The following ITSN2 variants were observed in gnomAD, a reference collection of about 807,000 sequenced individuals.
The protein encoded by ITSN2 is intersectin 2.
A neutral mutation model predicts 243.7 loss-of-function variants in ITSN2; 156 were observed. The ratio of observed to expected loss-of-function variants is 0.64; its 90% confidence interval spans 0.56 to 0.73. The LOEUF (loss-of-function observed/expected upper bound fraction) is 0.73. Ranked by LOEUF, ITSN2 falls within the 30% of genes least tolerant of loss-of-function variation. The pLI, the probability that ITSN2 is intolerant of heterozygous loss-of-function variation, is 0.00. For synonymous variants in ITSN2, 703 were observed against 699.9 expected (o/e 1.00, Z -0.07); for missense variants, 1,801 against 1,996.1 (o/e 0.90, Z 1.86).
chr2:24,330,695 CTG>C (rs1217747953), intron 1 of ITSN2: 1 of 691,524 alleles, frequency 1.4e-6, no homozygotes, highest in African/African-American at 1.8e-5. Context: ...TTTTTTATAA[CTG>C]TGTACTTCTG....
intron 1 of ITSN2, among the ~76,000 whole-genome samples, chr2:24,336,241 CAAAAAAA>C (rs756236002): frequency 1.3e-4 from 6 of 47,992 alleles, no homozygotes; most frequent in East Asian, 1.3e-3. Context: ...GACTCTGTCT[CAAAAAAA>C]AAAAAAAAAA....
At chr2:24,224,923 C>G (rs1670879244) in intron 29 of ITSN2, among the ~76,000 whole-genome samples, 1 of 152,218 alleles carries the variant, frequency 6.6e-6, no homozygotes, top group Admixed American at 6.5e-5. Context: ...AGCCACCACG[C>G]CTGGCCTGCT....
At chr2:24,336,122 G>A (rs1288534568) in intron 1 of ITSN2, among the ~76,000 whole-genome samples, 2 of 151,444 alleles carry the variant, frequency 1.3e-5, no homozygotes, top group African/African-American at 4.8e-5. Flanking sequence ...GGCACCTGTA[G>A]TCCCAGCTAC....
At position 24,294,099 on chromosome 2, in the gene ITSN2, C is replaced by A. The variant is rs998102970; in HGVS notation, c.1636-324G>T. Among the ~76,000 whole-genome samples the A allele has an allele frequency of 7.2e-5, 11 of 152,130 alleles. No individual in the cohort carries two copies. In the South Asian group the frequency reaches 2.3e-3, roughly 31 times the overall value. On this transcript the variant is annotated intron_variant, in intron 14 of 39. Coordinates refer to ENST00000355123, the MANE Select transcript of ITSN2 (RefSeq NM_006277.3). Reference sequence around the variant, plus strand: ...CGCTAGATGGTATGTGTAAGCATGCCATGATACTTCAGGATGAATATGTGT... The same window carrying A: ...CGCTAGATGGTATGTGTAAGCATGCAATGATACTTCAGGATGAATATGTGT...
chr2:24,341,729 C>T (rs943398145), intron 1 of ITSN2, among the ~76,000 whole-genome samples: 6 of 151,984 alleles, frequency 3.9e-5, no homozygotes, highest in South Asian at 2.1e-4. Context: ...TACAAAAATG[C>T]GCCGGGCATG....
In ITSN2 at chr2:24,360,512, C is replaced by G. The variant is rs527461624; in HGVS notation, c.-242G>C. The G allele has an allele frequency of 6.6e-6, 1 of 152,324 alleles. No homozygotes were observed. The highest frequency in any genetic ancestry group is 2.1e-4 in the South Asian group (1 of 4,838). The allele number at this position is 152,324 out of a possible 1,614,324, so 9.4% of individuals were successfully genotyped here. ...CTCCGCCGGCGCCGCCTCAGCCCCACAACAACATGGCGGCCGCGGCCTCCG... is the reference window on the plus strand; with the variant it reads ...CTCCGCCGGCGCCGCCTCAGCCCCAGAACAACATGGCGGCCGCGGCCTCCG... On this transcript the variant is annotated 5_prime_UTR_variant, in exon 1 of 40. Transcript: ENST00000355123.
chr2:24,250,434 T>G (rs1673945447), intron 25 of ITSN2, among the ~76,000 whole-genome samples: 1 of 152,212 alleles, frequency 6.6e-6, no homozygotes, highest in Admixed American at 6.5e-5. Context: ...TCTGACAGTT[T>G]CCTAGTATTG....
At chr2:24,221,263 A>C (rs1000029986) in intron 29 of ITSN2, 197 bp from the exon 30 acceptor site, 1 of 550,484 alleles carries the variant, frequency 1.8e-6, no homozygotes, top group Admixed American at 3.8e-5. Flanking sequence ...TCACAGCTCC[A>C]AAGTGGCAAA....
In ITSN2 at chr2:24,283,312, C is replaced by G. The variant is rs193269703; in HGVS notation, c.1944+1451G>C. Among the ~76,000 whole-genome samples, 1,104 of 152,228 alleles carry G rather than the reference C, an allele frequency of 7.3e-3. 9 individuals carry two copies. The highest frequency in any genetic ancestry group is 0.026 in the African/African-American group (1,064 of 41,516). On this transcript the variant is annotated intron_variant, in intron 17 of 39. Transcript: ENST00000355123. The stretch of plus-strand genomic sequence containing the variant: ...CGACCTCGGCTCACTGCAACCTCCG[C>G]CTCCCGGGTTCAAGCGATTCTCCCG...
chr2:24,315,880 C>T (rs1306351044), intron 2 of ITSN2, among the ~76,000 whole-genome samples: 3 of 152,172 alleles, frequency 2.0e-5, no homozygotes, highest in African/African-American at 7.2e-5. Flanking sequence ...CAATTAAACC[C>T]TTTTTTTCAT....
At chr2:24,310,410 A>C in intron 6 of ITSN2, 30 bp from the exon 7 acceptor site, 1 of 1,609,440 alleles carries the variant, frequency 6.2e-7, no homozygotes, top group Non-Finnish European at 8.5e-7. Flanking sequence ...AAAAGTATGA[A>C]AGAAATTTGT....
chr2:24,290,677 C>G (rs1236978290), intron 15 of ITSN2, among the ~76,000 whole-genome samples: 1 of 152,156 alleles, frequency 6.6e-6, no homozygotes, highest in Non-Finnish European at 1.5e-5. Flanking sequence ...CTCTGCAACT[C>G]TTTCAGATAA....
chr2:24,309,779 C>G (rs988550709), intron 7 of ITSN2, among the ~76,000 whole-genome samples: 7 of 152,126 alleles, frequency 4.6e-5, no homozygotes, highest in Non-Finnish European at 1.0e-4. Flanking sequence ...AGTGTTCAAG[C>G]TAGGATATGA....
At chr2:24,327,507 C>G (rs1379815878) in intron 2 of ITSN2, among the ~76,000 whole-genome samples, 1 of 152,020 alleles carries the variant, frequency 6.6e-6, no homozygotes, top group African/African-American at 2.4e-5. Flanking sequence ...CCATGTTGAC[C>G]AGGCTGGTCT....
chr2:24,334,821 T>C, intron 1 of ITSN2: 1 of 1,034,164 alleles, frequency 9.7e-7, no homozygotes. Flanking sequence ...CCCAGCACTT[T>C]GGGAGGCCGA....
intron 11 of ITSN2, among the ~76,000 whole-genome samples, chr2:24,300,421 T>C (rs1046219357): frequency 6.6e-6 from 1 of 152,188 alleles, no homozygotes; most frequent in African/African-American, 2.4e-5. Context: ...AACTTGCCAA[T>C]AAAAATACTT....
intron 31 of ITSN2, 187 bp from the exon 32 acceptor site, chr2:24,216,419 G>A (rs1293212330): frequency 1.8e-5 from 8 of 449,612 alleles, no homozygotes; most frequent in South Asian, 6.1e-5. Flanking sequence ...CAAGCCAACC[G>A]GGGTGTGATG....
chr2:24,259,698 T>C (rs1051870150), intron 22 of ITSN2, among the ~76,000 whole-genome samples: 3 of 152,202 alleles, frequency 2.0e-5, no homozygotes, highest in Non-Finnish European at 1.5e-5. Context: ...GGGAATAACT[T>C]TCCTTCTTTG....
At chr2:24,247,144 G>C (rs964708415) in intron 27 of ITSN2, among the ~76,000 whole-genome samples, 2 of 152,042 alleles carry the variant, frequency 1.3e-5, no homozygotes, top group Non-Finnish European at 2.9e-5. Context: ...ATGTGCTTTG[G>C]GTCATGCAGT....
Sources: gnomAD v4.1 joint callset for allele counts (sites outside exome capture counted in the v4.1 genomes callset) on GRCh38, gnomAD v4.1.1 for gene constraint, MANE v1.5 for transcripts, NCBI Gene and HGNC (gene_info 2026-07-23, HGNC 2026-07-21) for gene names.